Variants in TNS1 observed in about 807,000 individuals in gnomAD.
The protein encoded by TNS1 is tensin 1.
In TNS1, 62 loss-of-function variants were observed where a neutral mutation model predicts 168.6. The observed-to-expected ratio is 0.37, with a 90% CI of 0.30 to 0.45. TNS1 has a LOEUF of 0.45. TNS1 is among the 20% of genes least tolerant of loss of function. The pLI, the probability that TNS1 is intolerant of heterozygous loss-of-function variation, is 1.00. For missense variants in TNS1, 2,240 were observed against 2,339.4 expected (o/e 0.96, Z 0.88); for synonymous variants, 934 against 933.2 (o/e 1.00, Z -0.02).
At chr2:217,955,573 C>A (rs956818490) in intron 3 of TNS1, among the ~76,000 whole-genome samples, 1 of 152,212 alleles carries the variant, frequency 6.6e-6, no homozygotes, top group Non-Finnish European at 1.5e-5. Context: ...CACTGTACTG[C>A]CTCAGGCACC....
chr2:217,965,335 A>C (rs1391062112), intron 3 of TNS1, among the ~76,000 whole-genome samples: 1 of 152,198 alleles, frequency 6.6e-6, no homozygotes, highest in African/African-American at 2.4e-5. Flanking sequence ...CAAGATATCA[A>C]TGTCACCATT....
At chr2:217,934,681 T>C (rs994568985) in intron 3 of TNS1, among the ~76,000 whole-genome samples, 5 of 152,202 alleles carry the variant, frequency 3.3e-5, no homozygotes, top group Non-Finnish European at 7.3e-5. Flanking sequence ...CCCTGACAGC[T>C]GTTGCCCTCT....
Position 217,867,241 on chromosome 2 carries a change from T to C in TNS1, c.1429+13657A>G, listed in dbSNP as rs928404437. The stretch of plus-strand genomic sequence containing the variant: ...CCAAATCACTGTCTGGGAGCATCAA[T>C]TAATACAGTCCTTATGAAGGCCAAT... On this transcript the variant is annotated intron_variant, in intron 18 of 32. Transcript: ENST00000682258. Among the ~76,000 whole-genome samples, 13 of 152,304 alleles carry C rather than the reference T, an allele frequency of 8.5e-5. No individual in the cohort carries two copies. The South Asian group carries it at 2.3e-3, about 27-fold the overall frequency.
intron 3 of TNS1, among the ~76,000 whole-genome samples, chr2:217,970,204 A>C (rs189648245): frequency 1.3e-5 from 2 of 152,286 alleles, no homozygotes; most frequent in African/African-American, 2.4e-5. Context: ...GCCTGCCAAC[A>C]CCTTGATTTT....
intron 32 of TNS1, among the ~76,000 whole-genome samples, chr2:217,807,275 C>T (rs1165062789): frequency 2.0e-5 from 3 of 152,164 alleles, no homozygotes; most frequent in Non-Finnish European, 4.4e-5. Context: ...AAGTAGATGA[C>T]AGATCATGGT....
chr2:217,894,513 C>G (rs1315402452), intron 9 of TNS1, among the ~76,000 whole-genome samples: 2 of 152,126 alleles, frequency 1.3e-5, no homozygotes, highest in African/African-American at 4.8e-5. Context: ...AAAAATTAGC[C>G]AGGCATGGTA....
In TNS1 at chr2:217,986,085, G is replaced by A. The variant is rs570639702; in HGVS notation, c.148+4857C>T. On this transcript the variant is annotated intron_variant, in intron 2 of 32. Transcript: ENST00000682258. The surrounding 1 kb of genome is among the most constrained non-coding windows in gnomAD (Gnocchi z 4.7). ...TAGGGAAAAGGGAAAGCCAGACCCA[G>A]AGAGGTTAAGCATCTCACCTGGGGT... Among the ~76,000 whole-genome samples the A allele has an allele frequency of 5.9e-5, 9 of 152,300 alleles. No homozygotes were observed. The highest frequency in any genetic ancestry group is 2.2e-4 in the African/African-American group (9 of 41,570).
chr2:217,884,785 G>C (rs1177811958), intron 16 of TNS1, among the ~76,000 whole-genome samples: 1 of 152,176 alleles, frequency 6.6e-6, no homozygotes, highest in African/African-American at 2.4e-5. Flanking sequence ...GTCATAGAAG[G>C]CTGCAAGATA....
chr2:217,885,897 C>A (rs1951152135), intron 14 of TNS1, 78 bp from the exon 15 acceptor site: 2 of 1,556,982 alleles, frequency 1.3e-6, no homozygotes, highest in East Asian at 2.2e-5. Flanking sequence ...CCCTGCTGCC[C>A]CTACGCCACA....
chr2:218,008,824 A>C (rs1400968234), intron 1 of TNS1, among the ~76,000 whole-genome samples: 1 of 151,984 alleles, frequency 6.6e-6, no homozygotes, highest in African/African-American at 2.4e-5. Context: ...ACATACTCCA[A>C]CTCTGGCCTG....
intron 3 of TNS1, among the ~76,000 whole-genome samples, chr2:217,973,285 G>C (rs2126033582): frequency 6.7e-6 from 1 of 149,932 alleles, no homozygotes; most frequent in African/African-American, 2.5e-5. Context: ...AGGATGGCTT[G>C]AGCCCATGAA....
chr2:217,903,987 GC>G (rs1343763866), intron 6 of TNS1, among the ~76,000 whole-genome samples: 3 of 152,186 alleles, frequency 2.0e-5, no homozygotes, highest in African/African-American at 7.2e-5. Context: ...CAAAAGAAAA[GC>G]CATTTCCTGA....
At chr2:217,885,331 T>G (rs1003560858) in intron 15 of TNS1, among the ~76,000 whole-genome samples, 167 bp from the exon 16 acceptor site, 3 of 152,170 alleles carry the variant, frequency 2.0e-5, no homozygotes, top group Non-Finnish European at 4.4e-5. Context: ...GTGGGGAAAC[T>G]TCTAGAACAG....
intron 3 of TNS1, among the ~76,000 whole-genome samples, chr2:217,930,215 T>C (rs1956250400): frequency 6.6e-6 from 1 of 152,202 alleles, no homozygotes; most frequent in Admixed American, 6.5e-5. Flanking sequence ...AATGAGGCAC[T>C]AAGAGGTTGC....
At chr2:217,959,567 A>G (rs1052214645) in intron 3 of TNS1, among the ~76,000 whole-genome samples, 2 of 151,930 alleles carry the variant, frequency 1.3e-5, no homozygotes, top group African/African-American at 2.4e-5. Flanking sequence ...GAACCTTAGC[A>G]TGGAACCCTA....
Position 217,942,755 on chromosome 2 carries a change from T to C in TNS1, c.187-22519A>G, listed in dbSNP as rs375904755. ...CCCTAGTTTCCAGGTCCCCCTCCTA[T>C]TCTCACCCCCACAACCGCCTGCCTG... is the stretch of plus-strand genomic sequence containing the variant. On this transcript the variant is annotated intron_variant, in intron 3 of 32. Coordinates refer to ENST00000682258, the MANE Select transcript of TNS1 (RefSeq NM_001387777.1). Among the ~76,000 whole-genome samples the C allele has an allele frequency of 1.3e-3, 197 of 150,800 alleles. 2 individuals are homozygous for C. The East Asian group carries it at 0.036, about 28-fold the overall frequency.
intron 7 of TNS1, among the ~76,000 whole-genome samples, chr2:217,899,889 C>G (rs1952756823): frequency 6.6e-6 from 1 of 152,234 alleles, no homozygotes; most frequent in South Asian, 2.1e-4. Context: ...CCCCAATCAT[C>G]TCAGGAGCCT....
Position 217,885,786 on chromosome 2 carries a change from G to T in TNS1, c.1074C>A (p.Cys358Ter), listed in dbSNP as rs1361598773. The T allele has an allele frequency of 6.2e-7, 1 of 1,614,190 alleles. No homozygotes were observed. The highest frequency in any genetic ancestry group is 1.7e-5 in the Admixed American group (1 of 60,020). The change falls in exon 15 of 33, where the codon TGC becomes TGA. Residue 358 changes from cysteine to a stop codon, truncating the protein, a stop_gained. Coordinates refer to ENST00000682258, the MANE Select transcript of TNS1 (RefSeq NM_001387777.1). LOFTEE classifies it high-confidence loss of function. ...NIPGDSQTSV[C>*]ITIEPGLLLK... ...AGAGCAGTCCTGGCTCGATGGTGAT[G>T]CAGACGCTAGTCTGGCTGTCTCCTG...
At chr2:218,013,368 A>G (rs1046919265), upstream of TNS1, among the ~76,000 whole-genome samples, 3 of 152,118 alleles carry the variant, frequency 2.0e-5, no homozygotes, top group African/African-American at 7.2e-5. Context: ...CCAGACACAG[A>G]CACTCAGACA....
Sources: allele counts gnomAD v4.1 joint callset (sites outside exome capture counted in the v4.1 genomes callset), GRCh38; gene constraint gnomAD v4.1.1; non-coding constraint Gnocchi (gnomAD v3.1); transcripts MANE v1.5; gene names NCBI Gene and HGNC (gene_info 2026-07-23, HGNC 2026-07-21).